The following PAN2 variants were observed in gnomAD, a reference collection of about 807,000 sequenced individuals.
PAN2 encodes the protein poly(A) specific ribonuclease subunit PAN2.
A neutral mutation model predicts 133.3 loss-of-function variants in PAN2; 68 were observed. The ratio of observed to expected loss-of-function variants is 0.51; its 90% confidence interval spans 0.42 to 0.62. The LOEUF (loss-of-function observed/expected upper bound fraction) is 0.62. Ranked by LOEUF, PAN2 falls within the 20% of genes least tolerant of loss-of-function variation. The pLI, the probability that PAN2 is intolerant of heterozygous loss-of-function variation, is 0.00. For synonymous variants in PAN2, 462 were observed against 544.6 expected (o/e 0.85, Z 2.11); for missense variants, 1,042 against 1,500.5 (o/e 0.69, Z 5.05).
intron 25 of PAN2, 74 bp from the exon 26 acceptor site, chr12:56,317,717 GA>G: frequency 7.6e-7 from 1 of 1,319,944 alleles, no homozygotes; most frequent in Non-Finnish European, 1.1e-6. Flanking sequence ...TCCTATGAAG[GA>G]AAAATGCAAG....
intron 10 of PAN2, 92 bp from the exon 11 acceptor site, chr12:56,324,801 C>T: frequency 6.6e-7 from 1 of 1,503,820 alleles, no homozygotes; most frequent in Non-Finnish European, 8.9e-7. Context: ...GAAAATGTCC[C>T]AGAAGCAGGA....
At chr12:56,326,532 A>G in intron 7 of PAN2, 85 bp downstream of exon 7, 2 of 1,508,946 alleles carry the variant, frequency 1.3e-6, no homozygotes, top group South Asian at 1.3e-5. Flanking sequence ...AAAGTAGTAG[A>G]ATAACAACAG....
Position 56,319,606 on chromosome 12 carries a change from T to G in PAN2, c.3090+15A>C. ...CACCAGGGTGTGCCTCACTTGCATC[T>G]CCATATCCTAATACCTGCTCCTGGG... On this transcript the variant is annotated intron_variant, in intron 22 of 25. Coordinates refer to ENST00000440411, the MANE Select transcript of PAN2 (RefSeq NM_014871.6). The surrounding 1 kb of genome is among the most constrained non-coding windows in gnomAD (Gnocchi z 5.4). 1.3e-6 allele frequency: 2 copies of G among 1,599,798 alleles called. No homozygotes were observed.
chr12:56,321,417 C>G (rs986245490), intron 20 of PAN2, among the ~76,000 whole-genome samples: 7 of 150,314 alleles, frequency 4.7e-5, no homozygotes, highest in African/African-American at 1.7e-4. Context: ...TTTGTAGAGA[C>G]AGGGTTTCAC....
Position 56,328,231 on chromosome 12 carries a change from C to T in PAN2, c.573+7G>A. 1 of 1,587,818 alleles carries T rather than the reference C, an allele frequency of 6.3e-7. No homozygotes were observed. The highest frequency in any genetic ancestry group is 8.6e-7 in the Non-Finnish European group (1 of 1,165,026). ...CCACATAGGTCTTTCTTGCCCCAAG[C>T]TTGTACCTTCTGAGTCTCCTGGACA... is the stretch of plus-strand genomic sequence containing the variant. On this transcript the variant is annotated splice_region_variant and intron_variant, in intron 4 of 25. Transcript: ENST00000440411.
At chr12:56,318,947 A>G (rs1874203573) in intron 24 of PAN2, 141 bp downstream of exon 24, 1 of 727,006 alleles carries the variant, frequency 1.4e-6, no homozygotes, top group East Asian at 2.7e-5. Flanking sequence ...GTGGTATTTG[A>G]TTTTCTGTTT....
At chr12:56,323,996 G>A in intron 13 of PAN2, 53 bp downstream of exon 13, 1 of 1,611,876 alleles carries the variant, frequency 6.2e-7, no homozygotes, top group Non-Finnish European at 8.5e-7. Flanking sequence ...GATATTACAG[G>A]ACATTTTGGG....
At chr12:56,325,273 A>T in intron 9 of PAN2, 62 bp downstream of exon 9, 1 of 1,604,882 alleles carries the variant, frequency 6.2e-7, no homozygotes, top group Non-Finnish European at 8.5e-7. Context: ...ATCCTTTCTC[A>T]TATGACTTCC....
rs767949324 is a variant in PAN2 at position 56,319,211 on chromosome 12, A to G, written c.3271-30T>C. 5 of 1,613,984 alleles carry G rather than the reference A, an allele frequency of 3.1e-6. No individual in the cohort carries two copies. Among genetic ancestry groups the G allele is most frequent in the Non-Finnish European group, 4.2e-6 (5 of 1,180,010 alleles). ...CAAGGATAAAAGAGGGGGAGACTTA[A>G]GGTAGGGGACCTATAATTCCCCATT... On this transcript the variant is annotated intron_variant, in intron 23 of 25. Transcript: ENST00000440411. The surrounding 1 kb of genome is among the most constrained non-coding windows in gnomAD (Gnocchi z 5.4).
intron 20 of PAN2, among the ~76,000 whole-genome samples, chr12:56,321,395 C>G (rs1874514873): frequency 2.0e-5 from 3 of 150,664 alleles, no homozygotes; most frequent in African/African-American, 7.3e-5. Flanking sequence ...TACCCAGCTA[C>G]TTTTTGTATT....
Position 56,328,472 on chromosome 12 carries a change from A to G in PAN2, c.452T>C (p.Leu151Pro), listed in dbSNP as rs748760622. The G allele has an allele frequency of 6.2e-7, 1 of 1,614,072 alleles. No individual in the cohort carries two copies. The highest frequency in any genetic ancestry group is 1.3e-5 in the African/African-American group (1 of 75,040). ...ARGGLIIFDY[L>P]LDENEDMHSL... The stretch of plus-strand genomic sequence containing the variant: ...AGTCCAGAGCTGAGAAGCCACTTAC[A>G]GGTAATCAAATATAATGAGGCCCCC... Residue 151 changes from leucine to proline, a missense_variant and splice_region_variant, in exon 3 of 26, where the codon CTG (leucine) becomes CCG (proline). Leu to Pro is a moderately conservative substitution (Grantham distance 98). Around this residue, in one of 3 missense-constraint regions of PAN2, gnomAD observed 908 missense variants for 1,223.5 expected, o/e 0.74. Transcript: ENST00000440411.
chr12:56,317,963 GC>G (rs1261711400), intron 25 of PAN2, among the ~76,000 whole-genome samples: 4 of 152,206 alleles, frequency 2.6e-5, no homozygotes, highest in African/African-American at 9.7e-5. Context: ...GATCGCTTGA[GC>G]CCAGGAGTTT....
chr12:56,325,058 G>A lies in PAN2; in HGVS notation c.1550C>T (p.Ala517Val). 6.2e-7 allele frequency: 1 copy of A among 1,614,066 alleles called. No individual in the cohort carries two copies. The highest frequency in any genetic ancestry group is 8.5e-7 in the Non-Finnish European group (1 of 1,179,940). The change falls in exon 10 of 26, where the codon GCT becomes GTT. Residue 517 changes from alanine (A) to valine (V), a missense_variant. Coordinates refer to ENST00000440411, the MANE Select transcript of PAN2 (RefSeq NM_014871.6). ...GTTGGGAATGTGGGGCTCTAATCCA[G>A]CAAACAAGGTCTTATTGTAGTGTTT... ...DFKHYNKTLF[A>V]GLEPHIPNAY... is the part of the protein sequence containing the mutation.
Position 56,317,236 on chromosome 12 carries a change from C to G in PAN2, c.*373G>C. 1 of 229,674 alleles carries G rather than the reference C, an allele frequency of 4.4e-6. No individual in the cohort carries two copies. The highest frequency in any genetic ancestry group is 8.7e-6 in the Non-Finnish European group (1 of 115,394). 14.2% of individuals were successfully genotyped at this position (229,674 alleles called of 1,614,324 possible). A position where few individuals can be genotyped will look rare whatever the true frequency, so the allele number is the denominator to read the frequency against. The stretch of plus-strand genomic sequence containing the variant: ...CTAAGTCTTGAACTACTGTGGTATC[C>G]TCTGTCACTGTCCAGGACTTCAATC... On this transcript the variant is annotated 3_prime_UTR_variant, in exon 26 of 26. Coordinates refer to ENST00000440411, the MANE Select transcript of PAN2 (RefSeq NM_014871.6).
intron 24 of PAN2, chr12:56,318,654 C>CT (rs1333711441): frequency 1.9e-6 from 1 of 521,958 alleles, no homozygotes; most frequent in Non-Finnish European, 3.4e-6. Context: ...ATTTTGTCCT[C>CT]TAACACTTTT....
In PAN2 at chr12:56,322,210, C is replaced by G. The variant is rs200841516; in HGVS notation, c.2698-42G>C. On this transcript the variant is annotated intron_variant, in intron 19 of 25. Coordinates refer to ENST00000440411, the MANE Select transcript of PAN2 (RefSeq NM_014871.6). The stretch of plus-strand genomic sequence containing the variant: ...GCACTTATGGCTAATGTATATCACC[C>G]TTTTCCTTTTCCCCCACTTCAGACG... The G allele has an allele frequency of 6.4e-5, 83 of 1,295,002 alleles. No homozygotes were observed. In the East Asian group the frequency reaches 1.8e-3, roughly 29 times the overall value. The allele number at this position is 1,295,002 out of a possible 1,614,324, so 80.2% of individuals were successfully genotyped here.
In PAN2 at chr12:56,322,745, C is replaced by T. The variant is rs1279008658; in HGVS notation, c.2507G>A (p.Arg836Lys). The stretch of plus-strand genomic sequence containing the variant: ...ATAGACACCATGCTCCTCCTCTGCC[C>T]TGGCTGGGCCCCACTGTGAGGGGGG... Reference protein sequence around the residue: ...DGDEMQWGPARAEEEHGVYVY... With the variant: ...DGDEMQWGPAKAEEEHGVYVY... Residue 836 changes from arginine to lysine, a missense_variant, in exon 18 of 26, where the codon AGG becomes AAG. Physicochemically the swap from Arg to Lys is conservative, Grantham distance 26. Transcript: ENST00000440411. 1 of 1,612,448 alleles carries T rather than the reference C, an allele frequency of 6.2e-7. No individual in the cohort carries two copies. Among genetic ancestry groups the T allele is most frequent in the Admixed American group, 1.7e-5 (1 of 59,936 alleles).
intron 2 of PAN2, 139 bp downstream of exon 2, chr12:56,332,674 T>G (rs551672438): frequency 1.3e-6 from 1 of 761,498 alleles, no homozygotes; most frequent in African/African-American, 1.8e-5. Context: ...AGATTCTCCC[T>G]TTATCCCTCC....
At chr12:56,318,996 T>A in intron 24 of PAN2, 92 bp downstream of exon 24, 1 of 1,199,108 alleles carries the variant, frequency 8.3e-7, no homozygotes, top group Non-Finnish European at 1.2e-6. Context: ...CACAGCTCCA[T>A]CCATGTTGCC....
Sources: allele counts gnomAD v4.1 joint callset (sites outside exome capture counted in the v4.1 genomes callset), GRCh38; gene constraint gnomAD v4.1.1; regional missense constraint gnomAD v4.1.1; non-coding constraint Gnocchi (gnomAD v3.1); transcripts MANE v1.5; gene names NCBI Gene and HGNC (gene_info 2026-07-23, HGNC 2026-07-21).